Variants in LOXHD1 observed in about 807,000 individuals in gnomAD.
The protein encoded by LOXHD1 is lipoxygenase homology PLAT domains 1.
In LOXHD1, 205 loss-of-function variants were observed where a neutral mutation model predicts 248.2. The ratio of observed to expected loss-of-function variants is 0.83; its 90% CI spans 0.74 to 0.93. The LOEUF (loss-of-function observed/expected upper bound fraction) is 0.93, where lower values mean the gene tolerates loss of function less well. LOXHD1 is among the 40% of genes least tolerant of loss of function. The pLI, the probability that LOXHD1 is intolerant of heterozygous loss-of-function variation, is 0.00. For missense variants in LOXHD1, 2,930 were observed against 2,971.6 expected (o/e 0.99, Z 0.33); for synonymous variants, 1,113 against 1,162.8 (o/e 0.96, Z 0.87).
intron 21 of LOXHD1, among the ~76,000 whole-genome samples, chr18:46,552,441 C>T (rs1568175977): frequency 6.6e-6 from 1 of 152,130 alleles, no homozygotes. Flanking sequence ...ACCTGCACCC[C>T]CAACCCCCTC....
intron 13 of LOXHD1, among the ~76,000 whole-genome samples, chr18:46,579,038 A>G (rs190962790): frequency 6.6e-6 from 1 of 152,382 alleles, no homozygotes; most frequent in African/African-American, 2.4e-5. Flanking sequence ...TAATGAGGCT[A>G]GCAACAGAAG....
chr18:46,636,661 T>C (rs1457385424), intron 4 of LOXHD1, among the ~76,000 whole-genome samples: 1 of 152,174 alleles, frequency 6.6e-6, no homozygotes, highest in Non-Finnish European at 1.5e-5. Flanking sequence ...ATAAGTTCAC[T>C]GAACATGCCC....
intron 4 of LOXHD1, among the ~76,000 whole-genome samples, chr18:46,624,626 A>G (rs948018616): frequency 1.3e-5 from 2 of 151,726 alleles, no homozygotes; most frequent in Non-Finnish European, 2.9e-5. Flanking sequence ...TCTCTTCCTC[A>G]TTCTCCAGAC....
At chr18:46,606,317 G>A (rs1187953216) in intron 6 of LOXHD1, among the ~76,000 whole-genome samples, 1 of 149,468 alleles carries the variant, frequency 6.7e-6, no homozygotes, top group African/African-American at 2.4e-5. Context: ...ACTATTTATA[G>A]TATAATAGTA....
intron 21 of LOXHD1, among the ~76,000 whole-genome samples, chr18:46,556,927 C>T (rs2037362018): frequency 6.7e-6 from 1 of 148,252 alleles, no homozygotes; most frequent in African/African-American, 2.5e-5. Flanking sequence ...CAATGTCATC[C>T]AGCTCACCCT....
In LOXHD1 at chr18:46,597,929, A is replaced by AT. The variant is rs10711303; in HGVS notation, c.1134+3287dup. Among the ~76,000 whole-genome samples the AT allele has an allele frequency of 1.1e-3, 161 of 140,234 alleles. 1 individual carries two copies. In the East Asian group the frequency reaches 0.02, roughly 17 times the overall value. The allele number at this position is 140,234 out of a possible 152,430, so 92.0% of individuals were successfully genotyped here. ...CCGCCACACCTGGCTAATTTTTTGC[A>AT]TTTTTTTTTTTTTTTTTTTAGTAGA... On this transcript the variant is annotated intron_variant, in intron 8 of 40. Coordinates refer to ENST00000642948, the MANE Select transcript of LOXHD1 (RefSeq NM_001384474.1).
chr18:46,563,899 T>C (rs2037581664), intron 17 of LOXHD1, among the ~76,000 whole-genome samples: 1 of 151,918 alleles, frequency 6.6e-6, no homozygotes, highest in African/African-American at 2.4e-5. Flanking sequence ...AGCACAGTAA[T>C]GCAGAGAGCA....
intron 8 of LOXHD1, among the ~76,000 whole-genome samples, chr18:46,596,601 C>A (rs919421435): frequency 2.0e-5 from 3 of 152,132 alleles, no homozygotes; most frequent in South Asian, 2.1e-4. Flanking sequence ...CAAAGAGAAG[C>A]CTACCTTTTT....
At chr18:46,508,243 T>G (rs1296308612) in intron 35 of LOXHD1, among the ~76,000 whole-genome samples, 1 of 152,132 alleles carries the variant, frequency 6.6e-6, no homozygotes, top group African/African-American at 2.4e-5. Flanking sequence ...CTGCAGGGCT[T>G]TGTGTTATGG....
chr18:46,567,526 A>T (rs8096275), intron 16 of LOXHD1, among the ~76,000 whole-genome samples: 28,486 of 152,264 alleles, frequency 0.19, 2,824 homozygotes, highest in Middle Eastern at 0.24. Context: ...TGGTGCCAGG[A>T]CTATGAAAGT....
intron 29 of LOXHD1, 104 bp downstream of exon 29, chr18:46,529,073 C>T: frequency 7.2e-7 from 1 of 1,381,876 alleles, no homozygotes; most frequent in South Asian, 1.4e-5. Context: ...TGCACAATGC[C>T]CCATGGAGTT....
intron 13 of LOXHD1, among the ~76,000 whole-genome samples, chr18:46,578,378 T>A (rs1001032597): frequency 3.9e-5 from 6 of 152,130 alleles, no homozygotes; most frequent in Non-Finnish European, 7.4e-5. Context: ...AAGGTGGGAT[T>A]GATGGACAAA....
chr18:46,621,774 G>A (rs944423914), intron 4 of LOXHD1, among the ~76,000 whole-genome samples: 2 of 152,212 alleles, frequency 1.3e-5, no homozygotes, highest in Non-Finnish European at 2.9e-5. Context: ...CCAGCAGGAA[G>A]CAGGGAAATA....
chr18:46,643,700 C>T (rs2038992302), intron 2 of LOXHD1, among the ~76,000 whole-genome samples: 1 of 152,094 alleles, frequency 6.6e-6, no homozygotes, highest in African/African-American at 2.4e-5. Flanking sequence ...AATAAGAGGG[C>T]TTTTCTCTTC....
intron 19 of LOXHD1, 32 bp downstream of exon 19, chr18:46,560,051 C>CGGCG: frequency 7.6e-7 from 1 of 1,310,694 alleles, no homozygotes; most frequent in South Asian, 1.4e-5. Flanking sequence ...TGGCCACTCC[C>CGGCG]TCCCCACCCC....
intron 3 of LOXHD1, among the ~76,000 whole-genome samples, chr18:46,641,123 T>C (rs1180851005): frequency 2.0e-5 from 3 of 152,108 alleles, no homozygotes; most frequent in African/African-American, 7.2e-5. Context: ...GCTCGTAACC[T>C]CCTTCCCTAC....
intron 16 of LOXHD1, among the ~76,000 whole-genome samples, chr18:46,568,925 C>A (rs985592256): frequency 1.3e-5 from 2 of 152,188 alleles, no homozygotes; most frequent in African/African-American, 2.4e-5. Context: ...GAGCCTTGAT[C>A]TGGAGGCTCT....
chr18:46,613,000 C>T (rs900636151), intron 5 of LOXHD1, among the ~76,000 whole-genome samples: 25 of 152,144 alleles, frequency 1.6e-4, no homozygotes, highest in African/African-American at 5.8e-4. Flanking sequence ...GTCTTAATAT[C>T]TGGCAGGGCA....
chr18:46,518,201 G>C lies in LOXHD1; in HGVS notation c.5327C>G (p.Ser1776Cys), dbSNP rs553487748. 3.2e-6 allele frequency: 5 copies of C among 1,551,682 alleles called. No homozygotes were observed. The African/African-American group carries it at 6.8e-5, about 21-fold the overall frequency. The change falls in exon 34 of 41, where the codon TCC (serine) becomes TGC (cysteine). Residue 1776 changes from serine (S) to cysteine (C), a missense_variant. Physicochemically the swap from Ser to Cys is moderately radical, Grantham distance 112. Transcript: ENST00000642948. The part of the protein sequence containing the change: ...TGDVVGGGTD[S>C]NIFMTLYGIN... ...GCCGTAGAGGGTCATGAAGATGTTGGAGTCAGTGCCCCCGCCAACCACATC... is the reference window on the plus strand; with the variant it reads ...GCCGTAGAGGGTCATGAAGATGTTGCAGTCAGTGCCCCCGCCAACCACATC...
Sources: gnomAD v4.1 joint callset for allele counts (sites outside exome capture counted in the v4.1 genomes callset) on GRCh38, gnomAD v4.1.1 for gene constraint, MANE v1.5 for transcripts, NCBI Gene and HGNC (gene_info 2026-07-23, HGNC 2026-07-21) for gene names.